FOXP4: variants seen among roughly 807,000 people sequenced by gnomAD.
FOXP4 encodes the protein forkhead box protein P4.
Under a neutral mutation model 82.6 loss-of-function variants are expected in FOXP4, and 25 were observed. The observed-to-expected ratio is 0.30, with a 90% confidence interval of 0.22 to 0.42. FOXP4 has a LOEUF of 0.42. FOXP4 is among the 10% of genes least tolerant of loss of function. FOXP4 has a pLI of 1.00. For missense variants in FOXP4, 785 were observed against 900.9 expected (o/e 0.87, Z 1.65); for synonymous variants, 415 against 388.2 (o/e 1.07, Z -0.81).
Position 41,587,866 on chromosome 6 carries a change from A to C in FOXP4, c.946A>C (p.Thr316Pro). 2 of 1,565,388 alleles carry C rather than the reference A, an allele frequency of 1.3e-6. No homozygotes were observed. Among genetic ancestry groups the C allele is most frequent in the Non-Finnish European group, 1.7e-6 (2 of 1,153,712 alleles). ...HGECKWPGCE[T>P]LCEDLGQFIK... ...AGAGTGCAAGTGGCCAGGCTGTGAG[A>C]CCCTGTGTGAAGACCTGGGCCAGTT... is the stretch of plus-strand genomic sequence containing the variant. The change falls in exon 8 of 17, where the codon ACC becomes CCC. Residue 316 changes from threonine to proline, a missense_variant. Thr to Pro is a conservative substitution (Grantham distance 38). Coordinates refer to ENST00000307972, the MANE Select transcript of FOXP4 (RefSeq NM_001012426.2).
Position 41,597,165 on chromosome 6 carries a change from C to T in FOXP4, c.1659-11C>T. On this transcript the variant is annotated splice_polypyrimidine_tract_variant and intron_variant, in intron 14 of 16. Transcript: ENST00000307972. ...ATGAGTGAGCCAAAGATGGCCTTCT[C>T]TGTCCTCCAGGAGCCCCACCCTGGT... 1 of 1,614,124 alleles carries T rather than the reference C, an allele frequency of 6.2e-7. No homozygotes were observed. The highest frequency in any genetic ancestry group is 8.5e-7 in the Non-Finnish European group (1 of 1,179,958).
intron 2 of FOXP4, 98 bp from the exon 3 acceptor site, chr6:41,577,888 T>TA (rs1471355569): frequency 6.0e-6 from 5 of 830,792 alleles, no homozygotes; most frequent in Non-Finnish European, 9.7e-6. Context: ...CCTTCCACCT[T>TA]ACCCTGATCT....
At chr6:41,570,079 G>GCCACACACACACACACACAC (rs1554173062) in intron 2 of FOXP4, 1 of 123,704 alleles carries the variant, frequency 8.1e-6, no homozygotes, top group African/African-American at 3.8e-5. Context: ...ACCACCCCCT[G>GCCACACACACACACACACAC]ACACACACAC....
chr6:41,566,815 C>T (rs1028398471), intron 2 of FOXP4, among the ~76,000 whole-genome samples: 3 of 152,076 alleles, frequency 2.0e-5, no homozygotes, highest in East Asian at 3.9e-4. Context: ...GGGCAGGGGG[C>T]GGGGTATGCT....
At chr6:41,585,007 G>C in intron 4 of FOXP4, 116 bp downstream of exon 4, 1 of 1,357,634 alleles carries the variant, frequency 7.4e-7, no homozygotes, top group Admixed American at 2.7e-5. Context: ...AGACTGCTCA[G>C]GCCAGACTGA....
rs1484922337 is a variant in FOXP4 at position 41,569,792 on chromosome 6, C to T, written c.204+3828C>T. On this transcript the variant is annotated intron_variant, in intron 2 of 16. Coordinates refer to ENST00000307972, the MANE Select transcript of FOXP4 (RefSeq NM_001012426.2). ...GAGGGTTGCCTAGCGTCTGGGAACTCCCACTGCAGTTGCCGTGGCAACTGG... is the reference window on the plus strand; with the variant it reads ...GAGGGTTGCCTAGCGTCTGGGAACTTCCACTGCAGTTGCCGTGGCAACTGG... Among the ~76,000 whole-genome samples the T allele has an allele frequency of 2.0e-5, 3 of 152,112 alleles. No individual in the cohort carries two copies. The East Asian group carries it at 5.8e-4, about 29-fold the overall frequency.
At chr6:41,547,395 G>C (rs1763703810) in intron 1 of FOXP4, 1 of 152,340 alleles carries the variant, frequency 6.6e-6, no homozygotes, top group South Asian at 2.1e-4. Context: ...GTCGGTACCG[G>C]ACTCCCCAGG....
intron 1 of FOXP4, among the ~76,000 whole-genome samples, chr6:41,552,547 G>A (rs571042348): frequency 6.6e-5 from 10 of 152,254 alleles, no homozygotes; most frequent in East Asian, 5.8e-4. Flanking sequence ...CTGAGCGCTC[G>A]CTTTGGATTG....
chr6:41,582,656 A>G (rs4363035), intron 3 of FOXP4, among the ~76,000 whole-genome samples: 10,144 of 152,234 alleles, frequency 0.067, 363 homozygotes, highest in Middle Eastern at 0.1. Flanking sequence ...TGCCTCTGGA[A>G]CACCCAACAA....
intron 8 of FOXP4, among the ~76,000 whole-genome samples, 188 bp downstream of exon 8, chr6:41,588,085 ATATTTCTGGGCCTGCATTC>A (rs1766265366): frequency 6.6e-6 from 1 of 152,046 alleles, no homozygotes; most frequent in Non-Finnish European, 1.5e-5. Context: ...TACCCTGTCT[ATATTTCTGGGCCTGCATTC>A]CCCTGACTCC....
At chr6:41,549,075 C>A (rs1014113594) in intron 1 of FOXP4, among the ~76,000 whole-genome samples, 1 of 152,110 alleles carries the variant, frequency 6.6e-6, no homozygotes, top group Non-Finnish European at 1.5e-5. Flanking sequence ...TCAGCCTCCA[C>A]ACCCAGGGCC....
At chr6:41,559,080 C>T (rs1255126131) in intron 1 of FOXP4, among the ~76,000 whole-genome samples, 7 of 152,178 alleles carry the variant, frequency 4.6e-5, no homozygotes, top group Non-Finnish European at 7.3e-5. Context: ...GTATACTTTG[C>T]CTGGCCAGTA....
rs576921346 is a variant in FOXP4, at chr6:41,585,000, C to A, written c.423+109C>A. 23 of 1,388,252 alleles carry A rather than the reference C, an allele frequency of 1.7e-5. No homozygotes were observed. The Middle Eastern group carries it at 7.3e-4, about 44-fold the overall frequency. 86.0% of individuals were successfully genotyped at this position (1,388,252 alleles called of 1,614,324 possible). On this transcript the variant is annotated intron_variant, in intron 4 of 16. Transcript: ENST00000307972. Reference sequence around the variant, plus strand: ...CAAGCTGTCCCAGAAACCAGAGAGACTGCTCAGGCCAGACTGATCTGCATT... The same window carrying A: ...CAAGCTGTCCCAGAAACCAGAGAGAATGCTCAGGCCAGACTGATCTGCATT...
At position 41,592,020 on chromosome 6, in the gene FOXP4, T is replaced by G. The variant is rs542903841; in HGVS notation, c.1536+698T>G. Among the ~76,000 whole-genome samples the G allele has an allele frequency of 1.2e-3, 180 of 151,330 alleles. 2 individuals carry two copies. The highest frequency in any genetic ancestry group is 3.4e-3 in the Middle Eastern group (1 of 294). ...GTGTGTGTGTGTCTGTCTGTCTGTC[T>G]CAAGGTGGGAAGGTGATATCTAAAT... On this transcript the variant is annotated intron_variant, in intron 13 of 16. Coordinates refer to ENST00000307972, the MANE Select transcript of FOXP4 (RefSeq NM_001012426.2).
chr6:41,561,674 T>G (rs1764588142), intron 1 of FOXP4, among the ~76,000 whole-genome samples: 1 of 152,136 alleles, frequency 6.6e-6, no homozygotes, highest in Non-Finnish European at 1.5e-5. Context: ...AGATCTACAC[T>G]GGGTGGAGTC....
At chr6:41,547,109 C>A (rs1007176134) in intron 1 of FOXP4, among the ~76,000 whole-genome samples, 1 of 151,774 alleles carries the variant, frequency 6.6e-6, no homozygotes, top group Non-Finnish European at 1.5e-5. Flanking sequence ...GCCCCTGGCC[C>A]GGGCCCCAGC....
At chr6:41,592,604 A>C (rs79969881) in intron 13 of FOXP4, among the ~76,000 whole-genome samples, 1,882 of 152,318 alleles carry the variant, frequency 0.012, 31 homozygotes, top group Non-Finnish European at 0.017. Context: ...TGTTTAATAA[A>C]GCATATTAAT....
At chr6:41,565,628 G>A (rs1764829998) in intron 1 of FOXP4, 117 bp from the exon 2 acceptor site, 1 of 919,906 alleles carries the variant, frequency 1.1e-6, no homozygotes, top group African/African-American at 1.7e-5. Flanking sequence ...GGGAAGTTGA[G>A]GAGAAGTAGA....
At chr6:41,574,753 C>T (rs1255091324) in intron 2 of FOXP4, among the ~76,000 whole-genome samples, 1 of 152,192 alleles carries the variant, frequency 6.6e-6, no homozygotes, top group Non-Finnish European at 1.5e-5. Flanking sequence ...GCAGTGTGAA[C>T]ACATCTGGTG....
Sources: allele counts gnomAD v4.1 joint callset (sites outside exome capture counted in the v4.1 genomes callset), GRCh38; gene constraint gnomAD v4.1.1; transcripts MANE v1.5; gene names NCBI Gene and HGNC (gene_info 2026-07-23, HGNC 2026-07-21).